Variants in TMEM132C observed in about 807,000 individuals in gnomAD.
TMEM132C encodes the protein transmembrane protein 132C.
A neutral mutation model predicts 61.4 loss-of-function variants in TMEM132C; 29 were observed. That is an observed-to-expected ratio of 0.47 (90% CI 0.35 to 0.64). TMEM132C has a LOEUF of 0.64. TMEM132C is among the 30% of genes least tolerant of loss of function. TMEM132C has a pLI of 0.00. For missense variants in TMEM132C, 1,408 were observed against 1,476.9 expected, an observed-to-expected ratio of 0.95 and a Z score of 0.76; for synonymous variants, 656 against 633.1, an observed-to-expected ratio of 1.04 and a Z score of -0.54.
At chr12:128,490,105 G>A (rs932972083) in intron 2 of TMEM132C, among the ~76,000 whole-genome samples, 22 of 152,200 alleles carry the variant, frequency 1.4e-4, no homozygotes, top group African/African-American at 3.9e-4. Flanking sequence ...ATAAGCATGA[G>A]TGGGAGGCTA....
At position 128,490,186 on chromosome 12, in the gene TMEM132C, C is replaced by T. The variant is rs112638850; in HGVS notation, c.975-53771C>T. ...TTGGTGAGCACTCAGTTCCCTTCAC[C>T]GAGTGTGAAAGAGACTGGGTTTTGA... On this transcript the variant is annotated intron_variant, in intron 2 of 8. Transcript: ENST00000435159. 3.2e-3 allele frequency among the ~76,000 whole-genome samples: 482 copies of T among 152,260 alleles called. 4 individuals carry two copies. Among genetic ancestry groups the T allele is most frequent in the Middle Eastern group, 0.01 (3 of 294 alleles).
intron 1 of TMEM132C, among the ~76,000 whole-genome samples, chr12:128,314,664 A>C (rs978491088): frequency 2.0e-5 from 3 of 152,132 alleles, no homozygotes; most frequent in Non-Finnish European, 4.4e-5. Flanking sequence ...ACAGAGACAC[A>C]CAGAAAAGGG....
intron 1 of TMEM132C, among the ~76,000 whole-genome samples, chr12:128,381,880 T>G (rs1388540738): frequency 6.6e-6 from 1 of 152,024 alleles, no homozygotes; most frequent in African/African-American, 2.4e-5. Flanking sequence ...AGCAACCTCT[T>G]AAGAGGAAAA....
chr12:128,563,997 T>A (rs1318697991), intron 3 of TMEM132C, among the ~76,000 whole-genome samples: 1 of 152,170 alleles, frequency 6.6e-6, no homozygotes, highest in Non-Finnish European at 1.5e-5. Context: ...GGCTAAACCT[T>A]TATTTCTCAA....
intron 1 of TMEM132C, among the ~76,000 whole-genome samples, chr12:128,271,044 A>G (rs1870495859): frequency 6.6e-6 from 1 of 152,096 alleles, no homozygotes; most frequent in Admixed American, 6.5e-5. Context: ...ACTTGAGGGC[A>G]GAAGTTCAAG....
intron 2 of TMEM132C, among the ~76,000 whole-genome samples, chr12:128,463,973 C>G (rs945203360): frequency 6.6e-6 from 1 of 152,204 alleles, no homozygotes; most frequent in African/African-American, 2.4e-5. Context: ...CACCAACACT[C>G]TGGCATTTAC....
At chr12:128,356,148 C>T (rs1340181881) in intron 1 of TMEM132C, among the ~76,000 whole-genome samples, 1 of 152,210 alleles carries the variant, frequency 6.6e-6, no homozygotes. Flanking sequence ...CGGATTCTTT[C>T]TCAACTCCAG....
intron 5 of TMEM132C, among the ~76,000 whole-genome samples, chr12:128,683,829 G>A (rs1954653612): frequency 6.6e-6 from 1 of 152,110 alleles, no homozygotes; most frequent in African/African-American, 2.4e-5. Flanking sequence ...AGCCAGGCAT[G>A]GTGGTGGATG....
At chr12:128,423,642 G>A (rs576763566) in intron 2 of TMEM132C, among the ~76,000 whole-genome samples, 2 of 152,048 alleles carry the variant, frequency 1.3e-5, no homozygotes, top group African/African-American at 2.4e-5. Flanking sequence ...GGCTAAGGTG[G>A]GAGGATTGTG....
At chr12:128,618,089 G>T (rs2135585144) in intron 4 of TMEM132C, among the ~76,000 whole-genome samples, 1 of 152,222 alleles carries the variant, frequency 6.6e-6, no homozygotes, top group Non-Finnish European at 1.5e-5. Flanking sequence ...TTACTATCTG[G>T]CCCTTTAGAG....
chr12:128,364,899 C>T (rs541105628), intron 1 of TMEM132C, among the ~76,000 whole-genome samples: 110 of 152,228 alleles, frequency 7.2e-4, no homozygotes, highest in Non-Finnish European at 1.5e-3. Flanking sequence ...CCCTGGCTCC[C>T]ATCTGGAGAG....
intron 2 of TMEM132C, among the ~76,000 whole-genome samples, chr12:128,500,144 T>A (rs1307176398): frequency 1.3e-5 from 2 of 152,328 alleles, no homozygotes; most frequent in East Asian, 3.9e-4. Context: ...CTGAGACAAC[T>A]GGTTATCCTC....
chr12:128,650,655 G>C (rs1475987181), intron 4 of TMEM132C, among the ~76,000 whole-genome samples: 2 of 152,094 alleles, frequency 1.3e-5, no homozygotes, highest in Admixed American at 1.3e-4. Flanking sequence ...TTTGAGCCTA[G>C]GGGTTACAGG....
intron 1 of TMEM132C, among the ~76,000 whole-genome samples, chr12:128,268,215 T>C (rs964885597): frequency 7.9e-5 from 12 of 152,184 alleles, no homozygotes; most frequent in Admixed American, 7.2e-4. Context: ...TCCTCTTCTC[T>C]ACAATGGGAG....
chr12:128,507,666 T>A (rs2136115025), intron 2 of TMEM132C, among the ~76,000 whole-genome samples: 1 of 152,264 alleles, frequency 6.6e-6, no homozygotes, highest in South Asian at 2.1e-4. Flanking sequence ...AGTCATCAAA[T>A]CGTTTAAACG....
chr12:128,280,062 C>A (rs1302181555), intron 1 of TMEM132C, among the ~76,000 whole-genome samples: 1 of 152,196 alleles, frequency 6.6e-6, no homozygotes, highest in Non-Finnish European at 1.5e-5. Flanking sequence ...GAGCCAGTCT[C>A]TTGAATCTTG....
At chr12:128,439,306 C>T (rs546157096) in intron 2 of TMEM132C, 4 of 152,254 alleles carry the variant, frequency 2.6e-5, no homozygotes, top group African/African-American at 4.8e-5. Context: ...GCCCAGACAA[C>T]GCTAGGGTCC....
chr12:128,566,592 C>A (rs1167876094), intron 3 of TMEM132C, among the ~76,000 whole-genome samples: 1 of 152,158 alleles, frequency 6.6e-6, no homozygotes, highest in Non-Finnish European at 1.5e-5. Context: ...ACATAAAACG[C>A]CCATGAAATT....
chr12:128,517,352 T>C (rs117586767), intron 2 of TMEM132C, among the ~76,000 whole-genome samples: 3,420 of 152,156 alleles, frequency 0.022, 55 homozygotes, highest in Non-Finnish European at 0.035. Flanking sequence ...GAGGAATCAC[T>C]TGGACCCAGG....
Sources: gnomAD v4.1 joint callset for allele counts (sites outside exome capture counted in the v4.1 genomes callset) on GRCh38, gnomAD v4.1.1 for gene constraint, MANE v1.5 for transcripts, NCBI Gene and HGNC (gene_info 2026-07-23, HGNC 2026-07-21) for gene names.